Variants in GREB1 observed in about 807,000 individuals in gnomAD.
GREB1 encodes growth regulating estrogen receptor binding 1.
GREB1 carries 106 observed loss-of-function variants against 200.7 expected under a neutral mutation model. The observed-to-expected ratio is 0.53, with a 90% CI of 0.45 to 0.62. The LOEUF (loss-of-function observed/expected upper bound fraction) is 0.62. Among genes scored for constraint, GREB1 ranks in the 20% least tolerant of loss-of-function variants. GREB1 has a pLI of 0.00. For synonymous variants in GREB1, 1,132 were observed against 1,092.4 expected, an observed-to-expected ratio of 1.04 and a Z score of -0.72; for missense variants, 2,243 against 2,556.8, an observed-to-expected ratio of 0.88 and a Z score of 2.65.
At chr2:11,564,695 T>TCC (rs1329143386) in intron 3 of GREB1, among the ~76,000 whole-genome samples, 2 of 152,180 alleles carry the variant, frequency 1.3e-5, no homozygotes, top group African/African-American at 4.8e-5. Context: ...CCCCTGGGGA[T>TCC]TGACCTTGAC....
At chr2:11,572,525 C>T (rs1428631704) in intron 4 of GREB1, among the ~76,000 whole-genome samples, 5 of 152,094 alleles carry the variant, frequency 3.3e-5, no homozygotes, top group African/African-American at 1.2e-4. Flanking sequence ...GGCATAGGGC[C>T]GATTTAGTCA....
chr2:11,638,570 T>C (rs1685567278), intron 31 of GREB1, 101 bp from the exon 32 acceptor site: 1 of 980,490 alleles, frequency 1.0e-6, no homozygotes, highest in South Asian at 1.7e-5. Flanking sequence ...AATCTTGAGC[T>C]GGACCAAGCA....
intron 11 of GREB1, among the ~76,000 whole-genome samples, 154 bp from the exon 12 acceptor site, chr2:11,595,097 C>A (rs962482851): frequency 6.6e-6 from 1 of 151,722 alleles, no homozygotes; most frequent in Non-Finnish European, 1.5e-5. Flanking sequence ...TCTTGTGTCA[C>A]CTGACAGCAG....
chr2:11,581,145 G>C (rs546716302), intron 7 of GREB1: 241 of 588,722 alleles, frequency 4.1e-4, no homozygotes, highest in Non-Finnish European at 6.4e-4. Flanking sequence ...ATAGTGGGCA[G>C]TGTGTTGTTG....
intron 5 of GREB1, among the ~76,000 whole-genome samples, chr2:11,578,010 C>T (rs531838520): frequency 4.9e-4 from 75 of 152,294 alleles, no homozygotes; most frequent in African/African-American, 1.6e-3. Flanking sequence ...TCTATGGCTA[C>T]GGGTAGCTGT....
At chr2:11,619,127 T>C (rs931554583) in intron 22 of GREB1, among the ~76,000 whole-genome samples, 2 of 152,186 alleles carry the variant, frequency 1.3e-5, no homozygotes, top group Non-Finnish European at 2.9e-5. Flanking sequence ...ATTCCTCCCC[T>C]GTGTGATGTA....
At chr2:11,630,179 A>T (rs1684773350) in intron 26 of GREB1, 70 bp downstream of exon 26, 1 of 1,493,594 alleles carries the variant, frequency 6.7e-7, no homozygotes, top group South Asian at 1.2e-5. Flanking sequence ...GGGACTAGAG[A>T]CAGAGCTTCC....
At chr2:11,583,597 C>T (rs534111826) in intron 7 of GREB1, among the ~76,000 whole-genome samples, 12 of 152,206 alleles carry the variant, frequency 7.9e-5, no homozygotes, top group Admixed American at 3.3e-4. Flanking sequence ...CATTGGCTCA[C>T]ACCTATAATC....
rs552365759 is a variant in GREB1, at chr2:11,582,902, G to A, written c.901+2070G>A. On this transcript the variant is annotated intron_variant, in intron 7 of 32. Transcript: ENST00000381486. ...AATGGAGAAGTGCTGCCCCCTGGGG[G>A]CGGGGGTAGGAAATGTTCTGGTAAA... is the stretch of plus-strand genomic sequence containing the variant. 2.1e-4 allele frequency among the ~76,000 whole-genome samples: 32 copies of A among 152,348 alleles called. 1 individual carries two copies. The South Asian group carries it at 6.2e-3, about 30-fold the overall frequency.
At chr2:11,499,590 GATTT>G (rs1419476804) in intron 1 of GREB1, among the ~76,000 whole-genome samples, 3 of 152,318 alleles carry the variant, frequency 2.0e-5, no homozygotes, top group South Asian at 4.1e-4. Context: ...AAAATTTGTT[GATTT>G]ATTTATCTGA....
chr2:11,582,465 T>TC (rs1329016322), intron 7 of GREB1, among the ~76,000 whole-genome samples: 1 of 152,200 alleles, frequency 6.6e-6, no homozygotes, highest in African/African-American at 2.4e-5. Context: ...TGTGCCTGCG[T>TC]CCCGGCTCTG....
rs2148186430 is a variant in GREB1 at position 11,592,948 on chromosome 2, C to G, written c.1518C>G (p.Ser506Arg). The G allele has an allele frequency of 6.9e-6, 11 of 1,586,906 alleles. No individual in the cohort carries two copies. Among genetic ancestry groups the G allele is most frequent in the Non-Finnish European group, 9.4e-6 (11 of 1,165,742 alleles). The change falls in exon 11 of 33, where the codon AGC (serine) becomes AGG (arginine). Residue 506 changes from serine (S) to arginine (R), a missense_variant. By Grantham distance (110) the Ser-to-Arg change is moderately radical. Transcript: ENST00000381486. ...CCGCGCAGCTGCCCTGGCTGGCCAG[C>G]CTGGCCGCCAGCTCCTGCAACGACA... Reference protein sequence around the residue: ...VTSAQLPWLASLAASSCNDSV... With the variant: ...VTSAQLPWLARLAASSCNDSV...
At chr2:11,529,647 T>A (rs149616478), upstream of GREB1, among the ~76,000 whole-genome samples, 808 of 152,328 alleles carry the variant, frequency 5.3e-3, 4 homozygotes, top group Middle Eastern at 0.031. Context: ...ACAAGTTATG[T>A]GTGTACCCTC....
At chr2:11,619,731 T>C (rs1009260657) in intron 22 of GREB1, among the ~76,000 whole-genome samples, 2 of 152,214 alleles carry the variant, frequency 1.3e-5, no homozygotes, top group African/African-American at 2.4e-5. Flanking sequence ...CTCTTATTTG[T>C]TTTTCCTTTA....
chr2:11,542,025 C>T (rs895752777), intron 1 of GREB1, among the ~76,000 whole-genome samples: 13 of 151,974 alleles, frequency 8.6e-5, no homozygotes, highest in African/African-American at 3.1e-4. Context: ...TCCAGGCCTT[C>T]TTGCCCCCAT....
upstream of GREB1, among the ~76,000 whole-genome samples, chr2:11,532,093 T>A (rs1674094616): frequency 6.6e-6 from 1 of 152,160 alleles, no homozygotes; most frequent in Admixed American, 6.5e-5. Flanking sequence ...TGCTAAGGAG[T>A]CAACATTAGC....
In GREB1 at chr2:11,625,331, C is replaced by T. The variant is rs747676094; in HGVS notation, c.4306+19C>T. On this transcript the variant is annotated intron_variant, in intron 24 of 32. Transcript: ENST00000381486. The stretch of plus-strand genomic sequence containing the variant: ...AGTGAAGGTCAGACTTTGAATCTCT[C>T]GTTTCACCTTCCAGAGTGCATGGGC... The T allele has an allele frequency of 1.4e-5, 23 of 1,611,222 alleles. No individual in the cohort carries two copies. The Admixed American group carries it at 2.0e-4, about 14-fold the overall frequency.
chr2:11,558,831 A>G (rs1430062777), intron 2 of GREB1, among the ~76,000 whole-genome samples: 1 of 152,168 alleles, frequency 6.6e-6, no homozygotes, highest in Non-Finnish European at 1.5e-5. Flanking sequence ...GGGTGCTGGT[A>G]TACTGAACAC....
chr2:11,496,546 AG>A (rs35732675), intron 1 of GREB1, among the ~76,000 whole-genome samples: 1 of 149,106 alleles, frequency 6.7e-6, no homozygotes, highest in East Asian at 2.0e-4. Flanking sequence ...CTGACGAACA[AG>A]GGGGAGGTCT....
Sources: gnomAD v4.1 joint callset for allele counts (sites outside exome capture counted in the v4.1 genomes callset) on GRCh38, gnomAD v4.1.1 for gene constraint, MANE v1.5 for transcripts, NCBI Gene and HGNC (gene_info 2026-07-23, HGNC 2026-07-21) for gene names.